GRIK1: variants seen among roughly 807,000 people sequenced by gnomAD.
GRIK1 encodes the protein glutamate receptor ionotropic, kainate 1.
GRIK1 carries 69 observed loss-of-function variants against 105.7 expected under a neutral mutation model. That is an observed-to-expected ratio of 0.65 (90% CI 0.54 to 0.80). The LOEUF is 0.80. GRIK1 is among the 30% of genes least tolerant of loss of function. The pLI is 0.00. For missense variants in GRIK1, 1,109 were observed against 1,167.3 expected (o/e 0.95, Z 0.73); for synonymous variants, 438 against 431.3 (o/e 1.02, Z -0.19).
chr21:29,737,287 C>T (rs933929171), intron 1 of GRIK1, among the ~76,000 whole-genome samples: 1 of 152,114 alleles, frequency 6.6e-6, no homozygotes, highest in Admixed American at 6.5e-5. Context: ...AGGCTCATTT[C>T]CCAGAGGATG....
chr21:29,704,007 G>C (rs567161174), intron 1 of GRIK1, among the ~76,000 whole-genome samples: 1 of 152,306 alleles, frequency 6.6e-6, no homozygotes, highest in South Asian at 2.1e-4. Flanking sequence ...GTAAGAGAAA[G>C]GCCGTGGATT....
intron 1 of GRIK1, among the ~76,000 whole-genome samples, chr21:29,787,253 C>T (rs1297639099): frequency 6.6e-6 from 1 of 152,186 alleles, no homozygotes; most frequent in Non-Finnish European, 1.5e-5. Flanking sequence ...TCCTTTCTGA[C>T]ATACTAAGCC....
At position 29,537,895 on chromosome 21, in the gene GRIK1, A is replaced by AAAAAG. The variant is rs768506409; in HGVS notation, c.2608-16_2608-12dup. On this transcript the variant is annotated splice_polypyrimidine_tract_variant and intron_variant, in intron 16 of 17. Transcript: ENST00000327783. ...TGATGACTTTCCTTTCTGATAAAAA[A>AAAAAG]AAAAGAAAAAAAAACAATTTTAAAT... The AAAAAG allele has an allele frequency of 8.8e-7, 1 of 1,139,886 alleles. No homozygotes were observed. The highest frequency in any genetic ancestry group is 1.3e-5 in the South Asian group (1 of 75,394). 70.6% of individuals were successfully genotyped at this position (1,139,886 alleles called of 1,614,324 possible).
intron 1 of GRIK1, among the ~76,000 whole-genome samples, chr21:29,925,309 T>C (rs2071328304): frequency 6.6e-6 from 1 of 152,212 alleles, no homozygotes; most frequent in South Asian, 2.1e-4. Flanking sequence ...CCCTTCTCAA[T>C]TCAGCCGCAG....
At chr21:29,539,345 T>C (rs1264538800) in intron 16 of GRIK1, among the ~76,000 whole-genome samples, 1 of 152,150 alleles carries the variant, frequency 6.6e-6, no homozygotes, top group African/African-American at 2.4e-5. Flanking sequence ...ACACTTACAC[T>C]AGCCTACAGT....
chr21:29,577,502 T>C (rs930014747), intron 13 of GRIK1, among the ~76,000 whole-genome samples: 2 of 152,212 alleles, frequency 1.3e-5, no homozygotes, highest in Non-Finnish European at 2.9e-5. Context: ...TTTTGCCTTT[T>C]ATTACTGTCT....
chr21:29,608,440 A>C (rs2146360032), intron 7 of GRIK1, among the ~76,000 whole-genome samples: 1 of 152,286 alleles, frequency 6.6e-6, no homozygotes, highest in East Asian at 1.9e-4. Flanking sequence ...AAATGTGTTA[A>C]AATTTTGGCG....
chr21:29,864,631 A>G (rs752402116), intron 1 of GRIK1, among the ~76,000 whole-genome samples: 29 of 152,300 alleles, frequency 1.9e-4, no homozygotes, highest in Non-Finnish European at 3.1e-4. Context: ...ATATTATAAT[A>G]GTGTAGTTTG....
At chr21:29,760,480 G>A (rs2065479527) in intron 1 of GRIK1, 1 of 152,192 alleles carries the variant, frequency 6.6e-6, no homozygotes, top group Admixed American at 6.5e-5. Context: ...AAGCTTGGCG[G>A]GTAGGGAGGG....
intron 7 of GRIK1, among the ~76,000 whole-genome samples, chr21:29,625,002 T>C (rs1314803661): frequency 6.6e-6 from 1 of 152,258 alleles, no homozygotes; most frequent in East Asian, 1.9e-4. Context: ...ATAGCAGGTC[T>C]GTGTTGCTCT....
chr21:29,825,877 T>C (rs1223538430), intron 1 of GRIK1, among the ~76,000 whole-genome samples: 2 of 152,098 alleles, frequency 1.3e-5, no homozygotes, highest in African/African-American at 2.4e-5. Flanking sequence ...AAATCGTATT[T>C]GAATGCTATT....
chr21:29,913,672 A>AATATATATATAT (rs60924907), intron 1 of GRIK1, among the ~76,000 whole-genome samples: 25 of 144,582 alleles, frequency 1.7e-4, no homozygotes, highest in African/African-American at 6.1e-4. Flanking sequence ...AGAAACACTA[A>AATATATATATAT]ATATATATAT....
chr21:29,572,210 C>T (rs1002327860), intron 14 of GRIK1, among the ~76,000 whole-genome samples: 4 of 152,144 alleles, frequency 2.6e-5, no homozygotes, highest in African/African-American at 7.2e-5. Flanking sequence ...GCTTAAGAAC[C>T]TGAGTGTACA....
chr21:29,889,280 T>A (rs1454317501), intron 1 of GRIK1, among the ~76,000 whole-genome samples: 1 of 152,136 alleles, frequency 6.6e-6, no homozygotes, highest in Non-Finnish European at 1.5e-5. Flanking sequence ...AAGGTTATAT[T>A]TATACACATT....
chr21:29,776,816 C>T (rs2145759044), intron 1 of GRIK1, among the ~76,000 whole-genome samples: 1 of 152,254 alleles, frequency 6.6e-6, no homozygotes, highest in East Asian at 1.9e-4. Context: ...AGGTAGATAT[C>T]CATTCAACAT....
At chr21:29,746,404 G>T (rs1191457601) in intron 1 of GRIK1, among the ~76,000 whole-genome samples, 1 of 152,242 alleles carries the variant, frequency 6.6e-6, no homozygotes, top group African/African-American at 2.4e-5. Flanking sequence ...TGACATCATT[G>T]CATGATCTGA....
At chr21:29,677,634 C>G (rs1262828615) in intron 3 of GRIK1, among the ~76,000 whole-genome samples, 1 of 152,056 alleles carries the variant, frequency 6.6e-6, no homozygotes, top group Non-Finnish European at 1.5e-5. Context: ...ATTTCCTATG[C>G]CTTCCTTTTA....
chr21:29,909,554 A>G (rs2070747830), intron 1 of GRIK1, among the ~76,000 whole-genome samples: 1 of 152,136 alleles, frequency 6.6e-6, no homozygotes, highest in Admixed American at 6.5e-5. Context: ...ATATCTTTCT[A>G]TGTGTTACTT....
At chr21:29,696,844 C>T (rs1180352450) in intron 1 of GRIK1, among the ~76,000 whole-genome samples, 1 of 152,138 alleles carries the variant, frequency 6.6e-6, no homozygotes, top group African/African-American at 2.4e-5. Flanking sequence ...GAAACAAATA[C>T]CTGAATAGGA....
Sources: gnomAD v4.1 joint callset for allele counts (sites outside exome capture counted in the v4.1 genomes callset) on GRCh38, gnomAD v4.1.1 for gene constraint, MANE v1.5 for transcripts, NCBI Gene and HGNC (gene_info 2026-07-23, HGNC 2026-07-21) for gene names.